The following ZFHX3 variants were observed in gnomAD, a reference collection of about 807,000 sequenced individuals.
ZFHX3 encodes zinc finger homeobox 3.
In ZFHX3, 42 loss-of-function variants were observed where a neutral mutation model predicts 279.1. The observed-to-expected ratio is 0.15, with a 90% CI of 0.12 to 0.19. ZFHX3 has a LOEUF of 0.19. Ranked by LOEUF, ZFHX3 falls within the 10% of genes least tolerant of loss-of-function variation. The pLI, the probability that ZFHX3 is intolerant of heterozygous loss-of-function variation, is 1.00. For missense variants in ZFHX3, 4,981 were observed against 4,754.0 expected (o/e 1.05, Z -1.40); for synonymous variants, 2,293 against 1,957.8 (o/e 1.17, Z -4.52).
At chr16:73,811,901 C>G (rs1960438111) in intron 1 of ZFHX3, among the ~76,000 whole-genome samples, 1 of 152,190 alleles carries the variant, frequency 6.6e-6, no homozygotes, top group Non-Finnish European at 1.5e-5. Context: ...CAGAACACAA[C>G]TCTAGTTGAA....
chr16:73,570,286 G>A (rs903867204), intron 2 of ZFHX3, among the ~76,000 whole-genome samples: 1 of 152,192 alleles, frequency 6.6e-6, no homozygotes, highest in African/African-American at 2.4e-5. Context: ...ATGGGTGCTT[G>A]TTTCTGCTTT....
intron 8 of ZFHX3, among the ~76,000 whole-genome samples, chr16:73,077,123 C>T (rs762925739): frequency 5.3e-5 from 8 of 152,134 alleles, no homozygotes; most frequent in Non-Finnish European, 1.0e-4. Flanking sequence ...GCCCTCTAGA[C>T]GTCTAATGCC....
intron 2 of ZFHX3, among the ~76,000 whole-genome samples, chr16:73,650,330 A>G (rs2052658623): frequency 6.6e-6 from 1 of 151,178 alleles, no homozygotes; most frequent in African/African-American, 2.4e-5. Context: ...TTTTGCCCTA[A>G]GCGCATTTTC....
chr16:72,937,423 C>T (rs1204270507), intron 3 of ZFHX3, among the ~76,000 whole-genome samples: 1 of 152,188 alleles, frequency 6.6e-6, no homozygotes, highest in Non-Finnish European at 1.5e-5. Flanking sequence ...AGGACACAGC[C>T]GACAGAGTCA....
At chr16:73,366,011 A>T (rs577943906) in intron 3 of ZFHX3, among the ~76,000 whole-genome samples, 5 of 152,378 alleles carry the variant, frequency 3.3e-5, no homozygotes, top group African/African-American at 1.2e-4. Flanking sequence ...TGGTGGCAAG[A>T]TGGGATCAAA....
intron 1 of ZFHX3, among the ~76,000 whole-genome samples, chr16:73,833,897 T>TG (rs1257909323): frequency 3.3e-5 from 5 of 151,436 alleles, no homozygotes; most frequent in Admixed American, 2.6e-4. Flanking sequence ...TGTATATGTA[T>TG]GTGTATGTGT....
intron 1 of ZFHX3, among the ~76,000 whole-genome samples, chr16:73,012,572 G>A (rs929782651): frequency 6.6e-6 from 1 of 152,248 alleles, no homozygotes; most frequent in East Asian, 1.9e-4. Context: ...AGCAGCAACC[G>A]GCCTTCATCC....
At chr16:73,031,855 A>C (rs1040159192) in intron 1 of ZFHX3, among the ~76,000 whole-genome samples, 1 of 152,116 alleles carries the variant, frequency 6.6e-6, no homozygotes, top group Non-Finnish European at 1.5e-5. Context: ...GGGAGGAGTT[A>C]GAGTGGGGAA....
intron 4 of ZFHX3, among the ~76,000 whole-genome samples, chr16:72,884,023 CAA>C (rs57103961): frequency 7.8e-6 from 1 of 127,408 alleles, no homozygotes; most frequent in Non-Finnish European, 1.7e-5. Context: ...TAGCTATTTA[CAA>C]AAAAAAAAAA....
intron 1 of ZFHX3, among the ~76,000 whole-genome samples, chr16:73,855,455 G>T (rs1961703485): frequency 6.6e-6 from 1 of 152,092 alleles, no homozygotes; most frequent in Non-Finnish European, 1.5e-5. Context: ...CAGGTGGGCA[G>T]CCCCCAGAGC....
intron 5 of ZFHX3, among the ~76,000 whole-genome samples, chr16:73,187,142 T>TCACACA (rs1491472382): frequency 1.1e-3 from 101 of 87,886 alleles, no homozygotes; most frequent in African/African-American, 2.2e-3. Context: ...AAGTTGTATG[T>TCACACA]CTCACACACA....
chr16:73,576,644 C>T (rs770471507), intron 2 of ZFHX3, among the ~76,000 whole-genome samples: 9 of 152,116 alleles, frequency 5.9e-5, no homozygotes, highest in Non-Finnish European at 1.2e-4. Context: ...TGTCCCAAAG[C>T]AGAGAGCTGT....
At chr16:73,052,641 C>T (rs1011688572), upstream of ZFHX3, among the ~76,000 whole-genome samples, 24 of 152,074 alleles carry the variant, frequency 1.6e-4, no homozygotes, top group Middle Eastern at 3.2e-3. Flanking sequence ...ACGGTAAAAA[C>T]GTGCTTCATG....
intron 4 of ZFHX3, among the ~76,000 whole-genome samples, chr16:72,888,179 T>C (rs958468840): frequency 6.6e-6 from 1 of 152,178 alleles, no homozygotes; most frequent in Non-Finnish European, 1.5e-5. Flanking sequence ...CCATAAAGTT[T>C]ATGTAACTTT....
At chr16:73,533,415 C>T (rs114286490) in intron 2 of ZFHX3, among the ~76,000 whole-genome samples, 2,668 of 149,560 alleles carry the variant, frequency 0.018, 69 homozygotes, top group African/African-American at 0.063. Context: ...TTCGTGCCAA[C>T]AGAAGGCTCT....
At chr16:73,873,708 G>C (rs777131915) in intron 1 of ZFHX3, among the ~76,000 whole-genome samples, 1 of 152,060 alleles carries the variant, frequency 6.6e-6, no homozygotes, top group Non-Finnish European at 1.5e-5. Context: ...TGACTCTTTA[G>C]AAAGGAAAAA....
At chr16:73,478,327 G>A (rs183012377) in intron 2 of ZFHX3, among the ~76,000 whole-genome samples, 9 of 150,766 alleles carry the variant, frequency 6.0e-5, no homozygotes, top group South Asian at 2.1e-4. Flanking sequence ...TGCCTGAACA[G>A]GGACTTGAAC....
intron 4 of ZFHX3, among the ~76,000 whole-genome samples, chr16:72,847,504 T>C (rs1024732758): frequency 6.6e-6 from 1 of 151,822 alleles, no homozygotes; most frequent in Non-Finnish European, 1.5e-5. Flanking sequence ...GGCCCCGGAG[T>C]GTTCCAGGTT....
chr16:73,752,761 G>C (rs978176614), intron 1 of ZFHX3, among the ~76,000 whole-genome samples: 6 of 152,160 alleles, frequency 3.9e-5, no homozygotes, highest in Admixed American at 3.9e-4. Flanking sequence ...ACCAGGACAA[G>C]GGGAAATGAA....
Sources: allele counts gnomAD v4.1 joint callset (sites outside exome capture counted in the v4.1 genomes callset), GRCh38; gene constraint gnomAD v4.1.1; transcripts MANE v1.5; gene names NCBI Gene and HGNC (gene_info 2026-07-23, HGNC 2026-07-21).